The following ZFHX3 variants were observed in gnomAD, a reference collection of about 807,000 sequenced individuals.
ZFHX3 encodes zinc finger homeobox protein 3.
ZFHX3 carries 42 observed loss-of-function variants against 279.1 expected under a neutral mutation model. That is an observed-to-expected ratio of 0.15 (90% CI 0.12 to 0.19). The LOEUF (loss-of-function observed/expected upper bound fraction) is 0.19, where lower values mean the gene tolerates loss of function less well. Among genes scored for constraint, ZFHX3 ranks in the 10% least tolerant of loss-of-function variants. The pLI, the probability that ZFHX3 is intolerant of heterozygous loss-of-function variation, is 1.00. For missense variants in ZFHX3, 4,981 were observed against 4,754.0 expected (o/e 1.05, Z -1.40); for synonymous variants, 2,293 against 1,957.8 (o/e 1.17, Z -4.52).
At chr16:73,134,383 G>A (rs367595905) in intron 6 of ZFHX3, 12 of 114,670 alleles carry the variant, frequency 1.0e-4, no homozygotes, top group Admixed American at 3.8e-4. Context: ...TTCCTCTGTC[G>A]CCCAGGCTGG....
At chr16:73,079,097 A>C (rs1965917557) in intron 8 of ZFHX3, among the ~76,000 whole-genome samples, 1 of 152,144 alleles carries the variant, frequency 6.6e-6, no homozygotes, top group Non-Finnish European at 1.5e-5. Flanking sequence ...ATTCCACTGC[A>C]AATCTTCCCT....
chr16:72,893,636 T>C (rs1320610663), intron 3 of ZFHX3, among the ~76,000 whole-genome samples: 1 of 152,210 alleles, frequency 6.6e-6, no homozygotes, highest in Non-Finnish European at 1.5e-5. Context: ...CATGAATTAT[T>C]CTGTCTGCCA....
chr16:72,941,369 C>T (rs1248342693), intron 3 of ZFHX3, among the ~76,000 whole-genome samples: 1 of 152,168 alleles, frequency 6.6e-6, no homozygotes, highest in Non-Finnish European at 1.5e-5. Flanking sequence ...AAACGGGTTT[C>T]ACAAACAAGG....
intron 2 of ZFHX3, among the ~76,000 whole-genome samples, chr16:73,618,243 C>T (rs1166653707): frequency 6.6e-6 from 1 of 152,164 alleles, no homozygotes; most frequent in African/African-American, 2.4e-5. Flanking sequence ...CCATCACCAT[C>T]CTCTGGTGCC....
At chr16:72,898,531 T>C (rs1160015486) in intron 3 of ZFHX3, among the ~76,000 whole-genome samples, 1 of 152,190 alleles carries the variant, frequency 6.6e-6, no homozygotes, top group Non-Finnish European at 1.5e-5. Flanking sequence ...AGTCTATAGC[T>C]GTCTATAGGT....
At chr16:73,677,489 A>T (rs2052966582) in intron 2 of ZFHX3, among the ~76,000 whole-genome samples, 1 of 152,042 alleles carries the variant, frequency 6.6e-6, no homozygotes, top group South Asian at 2.1e-4. Flanking sequence ...CTAGTAGGAA[A>T]ACAGAACAAC....
intron 3 of ZFHX3, among the ~76,000 whole-genome samples, chr16:73,412,203 G>A (rs1386940710): frequency 6.6e-6 from 1 of 151,766 alleles, no homozygotes; most frequent in Non-Finnish European, 1.5e-5. Context: ...GCGCACACCT[G>A]TAATCCCAGC....
intron 1 of ZFHX3, among the ~76,000 whole-genome samples, chr16:73,808,723 G>T (rs75838671): frequency 2.6e-5 from 4 of 152,242 alleles, no homozygotes; most frequent in African/African-American, 9.6e-5. Context: ...TTAGAGGGGA[G>T]GGGAAAGAGG....
intron 1 of ZFHX3, among the ~76,000 whole-genome samples, chr16:73,788,840 G>A (rs896023920): frequency 3.3e-5 from 5 of 151,466 alleles, no homozygotes; most frequent in Admixed American, 6.6e-5. Flanking sequence ...TGGGTGTGCC[G>A]GCACGTGCCT....
chr16:72,845,445 C>T (rs755491685), intron 4 of ZFHX3, among the ~76,000 whole-genome samples: 3 of 152,158 alleles, frequency 2.0e-5, no homozygotes, highest in Non-Finnish European at 4.4e-5. Flanking sequence ...AGGGACATCC[C>T]GGCACCTGCC....
At chr16:73,649,371 AT>A (rs1186652778) in intron 2 of ZFHX3, among the ~76,000 whole-genome samples, 13 of 152,168 alleles carry the variant, frequency 8.5e-5, no homozygotes. Flanking sequence ...AAGGCATGTG[AT>A]ACAGTGCAGC....
intron 4 of ZFHX3, among the ~76,000 whole-genome samples, chr16:72,881,201 T>G (rs1023612350): frequency 1.3e-5 from 2 of 152,250 alleles, no homozygotes; most frequent in Admixed American, 6.5e-5. Context: ...CCCATGGCAC[T>G]ATTAAGCACT....
At chr16:73,819,894 T>C (rs1407070876) in intron 1 of ZFHX3, among the ~76,000 whole-genome samples, 1 of 152,184 alleles carries the variant, frequency 6.6e-6, no homozygotes. Flanking sequence ...TGTGAAGTCT[T>C]ACTGCATACC....
Position 73,521,303 on chromosome 16 carries a change from T to C in ZFHX3, c.-1546-65045A>G, listed in dbSNP as rs549348527. 3.3e-5 allele frequency among the ~76,000 whole-genome samples: 5 copies of C among 152,308 alleles called. No individual in the cohort carries two copies. The South Asian group carries it at 1.0e-3, about 32-fold the overall frequency. On this transcript the variant is annotated intron_variant, in intron 2 of 17. Transcript: ENST00000641206. ...TCATATCTACCTTAAAGGTTTGTTGTAAAGGGTTTAGAATGGAGTTTGGCA... is the reference window on the plus strand; with the variant it reads ...TCATATCTACCTTAAAGGTTTGTTGCAAAGGGTTTAGAATGGAGTTTGGCA...
chr16:72,893,239 T>C (rs1257144521), intron 3 of ZFHX3, among the ~76,000 whole-genome samples: 1 of 152,176 alleles, frequency 6.6e-6, no homozygotes, highest in African/African-American at 2.4e-5. Context: ...GGAGGTAGAA[T>C]AAACTATGAA....
chr16:73,203,251 A>T (rs1302396941), intron 5 of ZFHX3, among the ~76,000 whole-genome samples: 1 of 152,178 alleles, frequency 6.6e-6, no homozygotes, highest in African/African-American at 2.4e-5. Flanking sequence ...GGCACTCAGT[A>T]GGAAGGGTGG....
Position 72,786,218 on chromosome 16 carries a change from A to G in ZFHX3, c.*946T>C, listed in dbSNP as rs917248952. On this transcript the variant is annotated 3_prime_UTR_variant, in exon 10 of 10. Transcript: ENST00000268489. ...TGAGGAGCTGTCAGCTGGACCATACAAAAAGCTAAATGTACACAAAAGGTT... is the reference window on the plus strand; with the variant it reads ...TGAGGAGCTGTCAGCTGGACCATACGAAAAGCTAAATGTACACAAAAGGTT... 2 of 152,522 alleles carry G rather than the reference A, an allele frequency of 1.3e-5. No individual in the cohort carries two copies. The highest frequency in any genetic ancestry group is 4.8e-5 in the African/African-American group (2 of 41,412). The allele number at this position is 152,522 out of a possible 1,614,324, so 9.4% of individuals were successfully genotyped here.
At chr16:73,270,270 C>G (rs1432510747) in intron 4 of ZFHX3, among the ~76,000 whole-genome samples, 1 of 152,172 alleles carries the variant, frequency 6.6e-6, no homozygotes, top group Non-Finnish European at 1.5e-5. Flanking sequence ...TAAATCTACT[C>G]TGCTCAAATT....
intron 1 of ZFHX3, chr16:73,796,341 A>C (rs1295931460): frequency 6.6e-6 from 1 of 152,230 alleles, no homozygotes; most frequent in Non-Finnish European, 1.5e-5. Flanking sequence ...GTAAGAAAAA[A>C]TAATGTTGCT....
Sources: gnomAD v4.1 joint callset for allele counts (sites outside exome capture counted in the v4.1 genomes callset) on GRCh38, gnomAD v4.1.1 for gene constraint, MANE v1.5 for transcripts, NCBI Gene and HGNC (gene_info 2026-07-23, HGNC 2026-07-21) for gene names.